FKBP9: variants seen among roughly 807,000 people sequenced by gnomAD.
FKBP9 encodes the protein FKBP prolyl isomerase 9.
A neutral mutation model predicts 55.6 loss-of-function variants in FKBP9; 27 were observed. The observed-to-expected ratio is 0.49, with a 90% CI of 0.36 to 0.67. FKBP9 has a LOEUF of 0.67. Ranked by LOEUF, FKBP9 falls within the 30% of genes least tolerant of loss-of-function variation. The pLI is 0.00. For missense variants in FKBP9, 539 were observed against 742.8 expected (o/e 0.73, Z 3.19); for synonymous variants, 267 against 296.5 (o/e 0.90, Z 1.02).
intron 2 of FKBP9, 133 bp downstream of exon 2, chr7:32,974,895 A>G (rs1484696937): frequency 3.6e-6 from 3 of 827,164 alleles, no homozygotes; most frequent in Non-Finnish European, 5.6e-6. Context: ...GAACTCATAC[A>G]CAGCTAAAAT....
rs1413257423 is a variant in FKBP9 at position 32,996,313 on chromosome 7, A to G, written c.1190A>G (p.Asn397Ser). 8.7e-6 allele frequency: 14 copies of G among 1,613,752 alleles called. No homozygotes were observed. The highest frequency in any genetic ancestry group is 4.4e-5 in the South Asian group (4 of 91,080). ...KKGDYLKYHYNASLLDGTLLD... is the reference protein window; with the variant it reads ...KKGDYLKYHYSASLLDGTLLD... ...GGAGATTACCTCAAATATCACTACA[A>G]TGCCTCACTTCTGGATGGGACCCTG... is the stretch of plus-strand genomic sequence containing the variant. The change falls in exon 7 of 10, where the codon AAT becomes AGT. Residue 397 changes from asparagine to serine, a missense_variant. Physicochemically the swap from Asn to Ser is conservative, Grantham distance 46. Transcript: ENST00000242209.
Position 33,002,689 on chromosome 7 carries a change from C to T in FKBP9, c.1386C>T (p.Pro462=), listed in dbSNP as rs765635917. Residue 462 remains proline (P), a synonymous_variant, in exon 9 of 10, where the codon CCC becomes CCT. Coordinates refer to ENST00000242209, the MANE Select transcript of FKBP9 (RefSeq NM_007270.5). ...TCACCTGGACAGATGGAGAAGTGCCCGGCAGTGCCGTATTAGTGTTTGACA... is the reference window on the plus strand; with the variant it reads ...TCACCTGGACAGATGGAGAAGTGCCTGGCAGTGCCGTATTAGTGTTTGACA... ...YGEAGVDGEV[P]GSAVLVFDIE... 1.2e-5 allele frequency: 20 copies of T among 1,613,712 alleles called. No homozygotes were observed. The highest frequency in any genetic ancestry group is 6.7e-5 in the East Asian group (3 of 44,890).
intron 7 of FKBP9, among the ~76,000 whole-genome samples, chr7:32,997,869 C>T (rs1784849201): frequency 6.6e-6 from 1 of 152,122 alleles, no homozygotes; most frequent in Admixed American, 6.5e-5. Context: ...ATATACTCTT[C>T]AGAGCTCTCC....
intron 4 of FKBP9, among the ~76,000 whole-genome samples, chr7:32,978,568 G>A (rs2127982033): frequency 6.6e-6 from 1 of 152,046 alleles, no homozygotes; most frequent in East Asian, 2.0e-4. Context: ...ACGTTACCCA[G>A]GCTTACCTGG....
Position 32,968,415 on chromosome 7 carries a change from C to T in FKBP9, c.222-6202C>T, listed in dbSNP as rs1223011561. Among the ~76,000 whole-genome samples, 4 of 152,054 alleles carry T rather than the reference C, an allele frequency of 2.6e-5. No homozygotes were observed. The East Asian group carries it at 7.7e-4, about 29-fold the overall frequency. ...TTAATTTTTTGAGGAGCCTACAGAC[C>T]ATTTTCTAGAGCAAGTACATTTTGC... On this transcript the variant is annotated intron_variant, in intron 1 of 9. Coordinates refer to ENST00000242209, the MANE Select transcript of FKBP9 (RefSeq NM_007270.5).
At chr7:32,978,621 G>A (rs1035036445) in intron 4 of FKBP9, among the ~76,000 whole-genome samples, 4 of 152,020 alleles carry the variant, frequency 2.6e-5, no homozygotes, top group African/African-American at 7.2e-5. Context: ...GCCTCCCAAA[G>A]CGCTGGGATT....
chr7:32,997,980 G>A (rs1396314916), intron 7 of FKBP9, among the ~76,000 whole-genome samples: 1 of 152,184 alleles, frequency 6.6e-6, no homozygotes, highest in Admixed American at 6.5e-5. Flanking sequence ...AAGTAAAAAC[G>A]CTAACTGATG....
chr7:32,979,775 A>G (rs1784438033), intron 4 of FKBP9, among the ~76,000 whole-genome samples: 1 of 152,244 alleles, frequency 6.6e-6, no homozygotes, highest in Non-Finnish European at 1.5e-5. Context: ...AGTACTACCC[A>G]GAAGTGAGAT....
chr7:32,966,804 C>A (rs1203558354), intron 1 of FKBP9, among the ~76,000 whole-genome samples: 1 of 152,114 alleles, frequency 6.6e-6, no homozygotes, highest in African/African-American at 2.4e-5. Flanking sequence ...ATGGCAAGAG[C>A]AGGAGCAAGA....
At chr7:32,962,608 G>A (rs1376328145) in intron 1 of FKBP9, among the ~76,000 whole-genome samples, 4 of 151,706 alleles carry the variant, frequency 2.6e-5, no homozygotes, top group South Asian at 2.1e-4. Context: ...TGAGTAGCTG[G>A]GATTACAGGT....
intron 1 of FKBP9, among the ~76,000 whole-genome samples, chr7:32,964,258 A>G (rs1784089839): frequency 6.6e-6 from 1 of 152,190 alleles, no homozygotes; most frequent in African/African-American, 2.4e-5. Flanking sequence ...AAGACTTATT[A>G]GCGTGGCTTT....
intron 4 of FKBP9, among the ~76,000 whole-genome samples, chr7:32,977,924 C>CTTT (rs1226725947): frequency 0.025 from 3,147 of 124,734 alleles, 147 homozygotes; most frequent in East Asian, 0.13. Context: ...TATATATACA[C>CTTT]TTTTTTTTTT....
At chr7:32,974,811 A>G (rs1784329142) in intron 2 of FKBP9, 49 bp downstream of exon 2, 1 of 1,533,602 alleles carries the variant, frequency 6.5e-7, no homozygotes. Context: ...AACAATGAGA[A>G]CACTTTTAGG....
intron 1 of FKBP9, among the ~76,000 whole-genome samples, chr7:32,961,532 AAAATAAATAAATAGT>A (rs1265753838): frequency 1.3e-5 from 2 of 152,320 alleles, no homozygotes; most frequent in East Asian, 1.9e-4. Flanking sequence ...TCAATTTACA[AAAATAAATAAATAGT>A]AAATAAATAA....
rs1783927210 is a variant in FKBP9 at position 32,957,679 on chromosome 7, C to CTGCA, written c.107_110dup (p.Gln37HisfsTer41). The CTGCA allele has an allele frequency of 6.6e-7, 1 of 1,524,630 alleles. No individual in the cohort carries two copies. Among genetic ancestry groups the CTGCA allele is most frequent in the South Asian group, 1.2e-5 (1 of 82,600 alleles). 94.4% of individuals were successfully genotyped at this position (1,524,630 alleles called of 1,614,324 possible). On this transcript the variant is annotated frameshift_variant, in exon 1 of 10. Coordinates refer to ENST00000242209, the MANE Select transcript of FKBP9 (RefSeq NM_007270.5). LOFTEE classifies it high-confidence loss of function. ...GGCGGGCCTGGGCTCCGACGCGGAG[C>CTGCA]TGCAGATCGAGCGGCGCTTCGTGCC... is the stretch of plus-strand genomic sequence containing the variant.
At chr7:33,001,518 G>A (rs1410046767) in intron 8 of FKBP9, among the ~76,000 whole-genome samples, 4 of 142,190 alleles carry the variant, frequency 2.8e-5, no homozygotes, top group African/African-American at 1.1e-4. Flanking sequence ...CTGGCGACAG[G>A]GCAAGACTCC....
chr7:32,969,603 T>C (rs893273667), intron 1 of FKBP9, among the ~76,000 whole-genome samples: 2 of 152,144 alleles, frequency 1.3e-5, no homozygotes, highest in Non-Finnish European at 2.9e-5. Flanking sequence ...GTCAGTACCA[T>C]GCTGCCTTGA....
intron 9 of FKBP9, among the ~76,000 whole-genome samples, chr7:33,003,776 T>G (rs1218826253): frequency 6.6e-6 from 1 of 152,198 alleles, no homozygotes; most frequent in Non-Finnish European, 1.5e-5. Flanking sequence ...CCCTGATCGC[T>G]TCATGTTGGA....
At chr7:32,998,346 G>A (rs1166276569) in intron 7 of FKBP9, among the ~76,000 whole-genome samples, 1 of 152,142 alleles carries the variant, frequency 6.6e-6, no homozygotes, top group Non-Finnish European at 1.5e-5. Context: ...GGGGAAGTGG[G>A]TGTGGGGAAT....
Sources: gnomAD v4.1 joint callset for allele counts (sites outside exome capture counted in the v4.1 genomes callset) on GRCh38, gnomAD v4.1.1 for gene constraint, MANE v1.5 for transcripts, NCBI Gene and HGNC (gene_info 2026-07-23, HGNC 2026-07-21) for gene names.